The following FBN1 variants were observed in gnomAD, a reference collection of about 807,000 sequenced individuals.
The protein encoded by FBN1 is fibrillin-1.
FBN1 carries 29 observed loss-of-function variants against 365.1 expected under a neutral mutation model. That is an observed-to-expected ratio of 0.08 (90% CI 0.06 to 0.11). FBN1 has a LOEUF of 0.11. FBN1 is among the 10% of genes least tolerant of loss of function. The probability of loss-of-function intolerance (pLI) is 1.00; values close to 1 mark genes in which losing one functional copy is unlikely to be tolerated. For missense variants in FBN1, 2,476 were observed against 3,703.2 expected (o/e 0.67, Z 8.60); for synonymous variants, 1,210 against 1,270.5 (o/e 0.95, Z 1.01).
chr15:48,515,311 A>G (rs1331129882), intron 12 of FBN1, 76 bp downstream of exon 12: 10 of 1,550,638 alleles, frequency 6.4e-6, no homozygotes, highest in Non-Finnish European at 8.9e-6. Flanking sequence ...TTGTTACAGC[A>G]GCAATAGAAA....
rs2044514657 is a variant in FBN1, at chr15:48,596,265, G to C, written c.538+18C>G. ...GGTACCAGCATGTCTTTACGTAAAT[G>C]ATTTTAAAAACCATTACCTCTTTCA... On this transcript the variant is annotated intron_variant, in intron 6 of 65. Coordinates refer to ENST00000316623, the MANE Select transcript of FBN1 (RefSeq NM_000138.5). 1.9e-6 allele frequency: 3 copies of C among 1,609,952 alleles called. No homozygotes were observed. The African/African-American group carries it at 4.0e-5, about 21-fold the overall frequency.
intron 6 of FBN1, among the ~76,000 whole-genome samples, chr15:48,539,201 T>G (rs1486363836): frequency 6.6e-6 from 1 of 152,212 alleles, no homozygotes; most frequent in African/African-American, 2.4e-5. Context: ...CACTACGTGC[T>G]CTTCCTCCCT....
chr15:48,639,124 T>C (rs955627122), intron 2 of FBN1, among the ~76,000 whole-genome samples: 6 of 152,328 alleles, frequency 3.9e-5, no homozygotes, highest in Admixed American at 2.0e-4. Flanking sequence ...TTTACCAATG[T>C]CTTGGGCCTG....
intron 6 of FBN1, among the ~76,000 whole-genome samples, chr15:48,540,368 CAT>C (rs1486414390): frequency 6.6e-6 from 1 of 151,930 alleles, no homozygotes; most frequent in Non-Finnish European, 1.5e-5. Context: ...TTTTTTTAAT[CAT>C]AAAATAAGGA....
chr15:48,520,951 G>A (rs1389489683), intron 9 of FBN1, 134 bp from the exon 10 acceptor site: 13 of 1,207,776 alleles, frequency 1.1e-5, no homozygotes, highest in Admixed American at 1.9e-5. Context: ...CCCCCCGGAA[G>A]GGAAGCTGCG....
At chr15:48,587,879 A>G (rs2044449149) in intron 6 of FBN1, among the ~76,000 whole-genome samples, 1 of 152,136 alleles carries the variant, frequency 6.6e-6, no homozygotes, top group Non-Finnish European at 1.5e-5. Context: ...TCAAACTTCT[A>G]CTAAGACAGA....
chr15:48,554,777 T>C (rs1379595672), intron 6 of FBN1, among the ~76,000 whole-genome samples: 3 of 152,210 alleles, frequency 2.0e-5, no homozygotes, highest in Non-Finnish European at 2.9e-5. Flanking sequence ...CAAACTGAAA[T>C]GGAAGTGTCT....
chr15:48,500,474 T>C (rs748753235), intron 17 of FBN1, among the ~76,000 whole-genome samples: 2 of 152,198 alleles, frequency 1.3e-5, no homozygotes, highest in Non-Finnish European at 2.9e-5. Context: ...CTCCCATAAA[T>C]TTGGAATGAC....
At chr15:48,572,192 T>A (rs992767088) in intron 6 of FBN1, among the ~76,000 whole-genome samples, 28 of 152,188 alleles carry the variant, frequency 1.8e-4, no homozygotes, top group Admixed American at 1.4e-3. Flanking sequence ...TATGGATTAC[T>A]TTGATATCAG....
chr15:48,620,851 A>G (rs1889752662), intron 2 of FBN1, among the ~76,000 whole-genome samples: 2 of 152,174 alleles, frequency 1.3e-5, no homozygotes, highest in Non-Finnish European at 2.9e-5. Context: ...AAAAGGAATC[A>G]GGGCTCCTGG....
chr15:48,638,674 G>C (rs16961286), intron 2 of FBN1, among the ~76,000 whole-genome samples: 20,891 of 148,376 alleles, frequency 0.14, 4,464 homozygotes, highest in African/African-American at 0.47. Flanking sequence ...ATTGGGCTGA[G>C]TTTACAGGCA....
chr15:48,517,048 C>T (rs2043810410), intron 10 of FBN1, among the ~76,000 whole-genome samples: 1 of 152,114 alleles, frequency 6.6e-6, no homozygotes, highest in African/African-American at 2.4e-5. Context: ...AGAATGACTC[C>T]TAGTTTTCTG....
intron 6 of FBN1, among the ~76,000 whole-genome samples, chr15:48,571,375 A>G (rs1407158671): frequency 6.6e-6 from 1 of 152,214 alleles, no homozygotes; most frequent in Non-Finnish European, 1.5e-5. Flanking sequence ...GAACCACAAA[A>G]AACTGGAAGA....
At chr15:48,496,275 G>C (rs1200376244) in intron 19 of FBN1, 50 bp from the exon 20 acceptor site, 13 of 1,611,310 alleles carry the variant, frequency 8.1e-6, no homozygotes, top group Non-Finnish European at 1.1e-5. Context: ...AACTTTGCCT[G>C]TATCTACTTT....
intron 63 of FBN1, among the ~76,000 whole-genome samples, chr15:48,416,395 T>G (rs117931065): frequency 6.6e-6 from 1 of 152,198 alleles, no homozygotes; most frequent in Non-Finnish European, 1.5e-5. Flanking sequence ...GTACCTGTTC[T>G]GGGAGATGAA....
At chr15:48,576,392 CT>C (rs1260691852) in intron 6 of FBN1, among the ~76,000 whole-genome samples, 1 of 152,076 alleles carries the variant, frequency 6.6e-6, no homozygotes, top group African/African-American at 2.4e-5. Context: ...TTTTTTCCCC[CT>C]CTACTCTGAT....
intron 6 of FBN1, among the ~76,000 whole-genome samples, chr15:48,573,869 T>C (rs1258644068): frequency 2.0e-5 from 3 of 152,214 alleles, no homozygotes; most frequent in Non-Finnish European, 1.5e-5. Context: ...CAGGACGCCA[T>C]GGATTTTTAG....
At chr15:48,611,313 T>C (rs1566937829) in intron 3 of FBN1, among the ~76,000 whole-genome samples, 1 of 152,200 alleles carries the variant, frequency 6.6e-6, no homozygotes, top group Non-Finnish European at 1.5e-5. Context: ...CAGGCTGGAG[T>C]GCAGTGGCGC....
rs1490548797 is a variant in FBN1 at position 48,427,038 on chromosome 15, G to C, written c.7204+529C>G. 2.0e-5 allele frequency among the ~76,000 whole-genome samples: 3 copies of C among 152,134 alleles called. No homozygotes were observed. The South Asian group carries it at 6.2e-4, about 32-fold the overall frequency. ...AGTTGATAAACACAGGAATCATATT[G>C]GTGACAGGCCTAGATATCTCTAGAG... On this transcript the variant is annotated intron_variant, in intron 58 of 65. Coordinates refer to ENST00000316623, the MANE Select transcript of FBN1 (RefSeq NM_000138.5).
Sources: allele counts gnomAD v4.1 joint callset (sites outside exome capture counted in the v4.1 genomes callset), GRCh38; gene constraint gnomAD v4.1.1; transcripts MANE v1.5; gene names NCBI Gene and HGNC (gene_info 2026-07-23, HGNC 2026-07-21).